The following KDM4D variants were observed in gnomAD, a reference collection of about 807,000 sequenced individuals.
The protein encoded by KDM4D is lysine-specific demethylase 4D.
For missense variants in KDM4D, 427 were observed against 674.8 expected (o/e 0.63, Z 4.07); for synonymous variants, 254 against 249.1 (o/e 1.02, Z -0.19).
chr11:94,984,667 C>G (rs903732564), intron 2 of KDM4D, among the ~76,000 whole-genome samples: 7 of 146,300 alleles, frequency 4.8e-5, no homozygotes, highest in Admixed American at 2.1e-4. Context: ...ACCACCCTAA[C>G]CAACATGGTG....
At position 94,999,223 on chromosome 11, in the gene KDM4D, T is replaced by A; in HGVS notation, c.*279T>A. ...ACTGGACACATTTGTGTGTGAGAAC[T>A]AGGTCTTGTTGAGGTTAGCGTAACC... On this transcript the variant is annotated 3_prime_UTR_variant, in exon 3 of 3. Transcript: ENST00000335080. 1 of 281,556 alleles carries A rather than the reference T, an allele frequency of 3.6e-6. No individual in the cohort carries two copies. The highest frequency in any genetic ancestry group is 6.7e-5 in the East Asian group (1 of 14,892). 17.4% of individuals were successfully genotyped at this position (281,556 alleles called of 1,614,324 possible). A position where few individuals can be genotyped will look rare whatever the true frequency, so the allele number is the denominator to read the frequency against.
intron 2 of KDM4D, among the ~76,000 whole-genome samples, chr11:94,976,706 A>T (rs1555097023): frequency 6.6e-6 from 1 of 152,182 alleles, no homozygotes; most frequent in African/African-American, 2.4e-5. Flanking sequence ...TGTGAAAGGG[A>T]TGTAGTTTGG....
chr11:94,982,537 T>G (rs1207790628), intron 2 of KDM4D, among the ~76,000 whole-genome samples: 7 of 90,252 alleles, frequency 7.8e-5, no homozygotes, highest in African/African-American at 2.3e-4. Context: ...AAGACTTCCC[T>G]ATTTCTAAAA....
rs868968200 is a variant in KDM4D, at chr11:94,991,956, C to A, written c.-349-5068C>A. 3.9e-5 allele frequency among the ~76,000 whole-genome samples: 6 copies of A among 151,954 alleles called. No homozygotes were observed. In the Middle Eastern group the frequency reaches 9.5e-3, roughly 240 times the overall value. ...TAATGAACAGGTCATCTGTAAAGAA[C>A]CAAGAATCATATTCATATCCTCTTC... is the stretch of plus-strand genomic sequence containing the variant. On this transcript the variant is annotated intron_variant, in intron 2 of 2. Transcript: ENST00000335080.
At chr11:94,985,960 A>G (rs12805105) in intron 2 of KDM4D, among the ~76,000 whole-genome samples, 5,433 of 152,304 alleles carry the variant, frequency 0.036, 139 homozygotes, top group Non-Finnish European at 0.053. Context: ...CCTAGAAGAA[A>G]ACAGGAAAAA....
At chr11:94,993,582 T>C (rs1249822254) in intron 2 of KDM4D, among the ~76,000 whole-genome samples, 1 of 151,640 alleles carries the variant, frequency 6.6e-6, no homozygotes, top group Non-Finnish European at 1.5e-5. Context: ...ATGCAACATC[T>C]GAAGACTATA....
Position 94,975,760 on chromosome 11 carries a change from T to TTGAA in KDM4D, c.-350+32_-350+35dup, listed in dbSNP as rs1184360900. On this transcript the variant is annotated intron_variant, in intron 2 of 2. Coordinates refer to ENST00000335080, the MANE Select transcript of KDM4D (RefSeq NM_018039.3). ...ATAATAGGTGCTGAGTAAGTATTTG[T>TTGAA]TGAATGAATGAATGAATGAATGATG... The TTGAA allele has an allele frequency of 8.5e-5, 13 of 152,110 alleles. No individual in the cohort carries two copies. The highest frequency in any genetic ancestry group is 1.9e-4 in the East Asian group (1 of 5,202). The allele number at this position is 152,110 out of a possible 1,614,324, so 9.4% of individuals were successfully genotyped here.
At chr11:94,981,722 T>C (rs1857844474) in intron 2 of KDM4D, among the ~76,000 whole-genome samples, 1 of 151,974 alleles carries the variant, frequency 6.6e-6, no homozygotes, top group Admixed American at 6.5e-5. Flanking sequence ...TTGTGCCTTC[T>C]ATTTTTGTTC....
intron 2 of KDM4D, among the ~76,000 whole-genome samples, chr11:94,993,514 T>G (rs1857952955): frequency 8.9e-5 from 1 of 11,244 alleles, no homozygotes; most frequent in Non-Finnish European, 4.3e-4. Context: ...TTCTAAGCAG[T>G]TTTTTTTTTT....
At chr11:94,989,745 TCTCTTTC>T (rs1857918054) in intron 2 of KDM4D, among the ~76,000 whole-genome samples, 1 of 111,098 alleles carries the variant, frequency 9.0e-6, no homozygotes, top group Non-Finnish European at 1.9e-5. Flanking sequence ...TCTCTCTCTC[TCTCTTTC>T]TTTTTTTTTT....
At chr11:94,991,124 A>G (rs1176740674) in intron 2 of KDM4D, among the ~76,000 whole-genome samples, 1 of 152,180 alleles carries the variant, frequency 6.6e-6, no homozygotes, top group African/African-American at 2.4e-5. Context: ...TCTCCAGGAG[A>G]AAGACTGAAG....
chr11:94,980,064 T>C (rs1349992344), intron 2 of KDM4D, among the ~76,000 whole-genome samples: 1 of 152,240 alleles, frequency 6.6e-6, no homozygotes, highest in Non-Finnish European at 1.5e-5. Context: ...CTATGATTTC[T>C]TAAGTTTAGG....
chr11:94,997,994 G>A lies in KDM4D; in HGVS notation c.622G>A (p.Glu208Lys). 6.2e-7 allele frequency: 1 copy of A among 1,614,226 alleles called. No homozygotes were observed. Among genetic ancestry groups the A allele is most frequent in the South Asian group, 1.1e-5 (1 of 91,086 alleles). The change falls in exon 3 of 3, where the codon GAG (glutamate) becomes AAG (lysine). Residue 208 changes from glutamate to lysine, a missense_variant. Physicochemically the swap from Glu to Lys is moderately conservative, Grantham distance 56. Coordinates refer to ENST00000335080, the MANE Select transcript of KDM4D (RefSeq NM_018039.3). The part of the protein sequence containing the change: ...LYSINYLHLG[E>K]PKTWYVVPPE... ...CAGCATCAACTACCTGCACCTTGGG[G>A]AGCCCAAAACTTGGTATGTGGTGCC...
intron 1 of KDM4D, among the ~76,000 whole-genome samples, chr11:94,975,252 C>T (rs1857787633): frequency 6.6e-6 from 1 of 152,098 alleles, no homozygotes; most frequent in South Asian, 2.1e-4. Context: ...TGTGTTTGTA[C>T]ACCATCACAT....
rs2134116760 is a variant in KDM4D at position 94,996,903 on chromosome 11, A to C, written c.-349-121A>C. The C allele has an allele frequency of 2.6e-5, 4 of 152,674 alleles. 1 individual carries two copies. The South Asian group carries it at 8.3e-4, about 32-fold the overall frequency. 9.5% of individuals were successfully genotyped at this position (152,674 alleles called of 1,614,324 possible). On this transcript the variant is annotated intron_variant, in intron 2 of 2. Coordinates refer to ENST00000335080, the MANE Select transcript of KDM4D (RefSeq NM_018039.3). ...CATCCACACCTCCACTTGAATTATC[A>C]ATCTTATAAAATTTTAGCCTCTCTT... is the stretch of plus-strand genomic sequence containing the variant.
At chr11:94,985,647 G>C (rs1052364742) in intron 2 of KDM4D, among the ~76,000 whole-genome samples, 7 of 151,786 alleles carry the variant, frequency 4.6e-5, no homozygotes, top group Non-Finnish European at 8.8e-5. Context: ...AAAAAGAAAA[G>C]AATTTGGAGG....
At chr11:94,976,989 A>G (rs1309550742) in intron 2 of KDM4D, among the ~76,000 whole-genome samples, 4 of 152,240 alleles carry the variant, frequency 2.6e-5, no homozygotes, top group African/African-American at 9.6e-5. Flanking sequence ...AATAAATTCT[A>G]GATTCGCAAA....
chr11:94,990,739 A>G lies in KDM4D; in HGVS notation c.-349-6285A>G, dbSNP rs147588983. Among the ~76,000 whole-genome samples the G allele has an allele frequency of 2.7e-3, 416 of 152,332 alleles. 5 individuals carry two copies. Among genetic ancestry groups the G allele is most frequent in the African/African-American group, 9.5e-3 (395 of 41,586 alleles). On this transcript the variant is annotated intron_variant, in intron 2 of 2. Coordinates refer to ENST00000335080, the MANE Select transcript of KDM4D (RefSeq NM_018039.3). ...TTGAGTCCTAAATTGGCAATGAGGA[A>G]AGCCAAGAAGCAACACAATTGTCTC...
At chr11:94,986,014 C>T (rs904784832) in intron 2 of KDM4D, among the ~76,000 whole-genome samples, 1 of 152,072 alleles carries the variant, frequency 6.6e-6, no homozygotes, top group Admixed American at 6.5e-5. Flanking sequence ...AGACACAAAG[C>T]CAAAAGCACA....
Sources: gnomAD v4.1 joint callset for allele counts (sites outside exome capture counted in the v4.1 genomes callset) on GRCh38, gnomAD v4.1.1 for gene constraint, MANE v1.5 for transcripts, NCBI Gene and HGNC (gene_info 2026-07-23, HGNC 2026-07-21) for gene names.